CBFA2T2: variants seen among roughly 807,000 people sequenced by gnomAD.
The protein encoded by CBFA2T2 is protein CBFA2T2.
A neutral mutation model predicts 62.2 loss-of-function variants in CBFA2T2; 11 were observed. The ratio of observed to expected loss-of-function variants is 0.18; its 90% CI spans 0.11 to 0.29. CBFA2T2 has a LOEUF of 0.29. Among genes scored for constraint, CBFA2T2 ranks in the 10% least tolerant of loss-of-function variants. CBFA2T2 has a pLI of 1.00. For synonymous variants in CBFA2T2, 295 were observed against 287.5 expected (o/e 1.03, Z -0.27); for missense variants, 592 against 774.1 (o/e 0.76, Z 2.79).
At chr20:33,530,767 G>A (rs2012036317) in intron 1 of CBFA2T2, among the ~76,000 whole-genome samples, 1 of 151,792 alleles carries the variant, frequency 6.6e-6, no homozygotes, top group Non-Finnish European at 1.5e-5. Context: ...CATGAACAAA[G>A]TGCGGTGCGT....
chr20:33,623,973 A>G, intron 5 of CBFA2T2: 3 of 601,610 alleles, frequency 5.0e-6, no homozygotes, highest in East Asian at 2.9e-5. Context: ...AAAAAAGAAA[A>G]GAAAAGAAAA....
chr20:33,558,118 C>T (rs1212388022), intron 1 of CBFA2T2, among the ~76,000 whole-genome samples: 1 of 150,766 alleles, frequency 6.6e-6, no homozygotes, highest in Non-Finnish European at 1.5e-5. Context: ...TGAGCCACTG[C>T]GCCTGGGCGC....
chr20:33,629,766 G>T lies in CBFA2T2; in HGVS notation c.1080G>T (p.Met360Ile), dbSNP rs771803713. ...TGGTAGAGAAAACAAGGCGCTCTATGGCAGTTCTGCGGCGCTGTCAGGAAT... is the reference window on the plus strand; with the variant it reads ...TGGTAGAGAAAACAAGGCGCTCTATTGCAGTTCTGCGGCGCTGTCAGGAAT... ...MEMVEKTRRS[M>I]AVLRRCQESD... The change falls in exon 8 of 11, where the codon ATG becomes ATT. Residue 360 changes from methionine (M) to isoleucine (I), a missense_variant. Transcript: ENST00000342704. 1 of 1,614,142 alleles carries T rather than the reference G, an allele frequency of 6.2e-7. No individual in the cohort carries two copies. The highest frequency in any genetic ancestry group is 8.5e-7 in the Non-Finnish European group (1 of 1,180,030).
At position 33,541,574 on chromosome 20, in the gene CBFA2T2, C is replaced by G. The variant is rs574632188; in HGVS notation, c.34+51273C>G. ...GGCAGTGGCTTGATTGTGGTAGACA[C>G]TTATGACCTACACATTTTAGCCTAG... On this transcript the variant is annotated intron_variant, in intron 1 of 10. Transcript: ENST00000342704. 1.0e-3 allele frequency among the ~76,000 whole-genome samples: 158 copies of G among 152,258 alleles called. 1 individual carries two copies. The highest frequency in any genetic ancestry group is 3.7e-3 in the African/African-American group (155 of 41,548).
At chr20:33,526,335 A>C (rs1232535013) in intron 1 of CBFA2T2, among the ~76,000 whole-genome samples, 4 of 152,336 alleles carry the variant, frequency 2.6e-5, no homozygotes, top group African/African-American at 9.6e-5. Context: ...GTGTGTACTG[A>C]TGATCTACTG....
intron 1 of CBFA2T2, among the ~76,000 whole-genome samples, chr20:33,547,253 A>T (rs758805673): frequency 6.6e-6 from 1 of 152,132 alleles, no homozygotes; most frequent in Non-Finnish European, 1.5e-5. Flanking sequence ...GGGACCAAGC[A>T]TGGAAGATTA....
At chr20:33,592,782 C>G (rs1347810916) in intron 1 of CBFA2T2, among the ~76,000 whole-genome samples, 24 of 151,904 alleles carry the variant, frequency 1.6e-4, no homozygotes, top group African/African-American at 5.8e-4. Context: ...GTCACTGCCA[C>G]TTAAAAAAAC....
At chr20:33,615,501 A>G (rs1014191699) in intron 3 of CBFA2T2, among the ~76,000 whole-genome samples, 3 of 152,228 alleles carry the variant, frequency 2.0e-5, no homozygotes, top group African/African-American at 4.8e-5. Flanking sequence ...CCCTGAGGAA[A>G]GTACAATTTA....
At chr20:33,550,581 TAACTC>T (rs1471869804) in intron 1 of CBFA2T2, among the ~76,000 whole-genome samples, 4 of 152,048 alleles carry the variant, frequency 2.6e-5, no homozygotes, top group East Asian at 1.9e-4. Flanking sequence ...GGTCAACAAA[TAACTC>T]AAAGTCTGAA....
At chr20:33,565,214 C>G (rs914256328) in intron 1 of CBFA2T2, among the ~76,000 whole-genome samples, 2 of 152,134 alleles carry the variant, frequency 1.3e-5, no homozygotes, top group African/African-American at 2.4e-5. Context: ...CCACTGCGCC[C>G]GGCTCCAAGT....
intron 1 of CBFA2T2, among the ~76,000 whole-genome samples, chr20:33,517,452 G>GGTTT (rs1555830080): frequency 6.8e-6 from 1 of 148,042 alleles, no homozygotes; most frequent in Non-Finnish European, 1.5e-5. Flanking sequence ...TTTTTTTGGT[G>GGTTT]TTTTTTTTTT....
intron 3 of CBFA2T2, among the ~76,000 whole-genome samples, chr20:33,615,932 C>T (rs2015688312): frequency 6.6e-6 from 1 of 152,062 alleles, no homozygotes; most frequent in Admixed American, 6.6e-5. Context: ...CTTTCCTTAG[C>T]TGGCATAGTG....
chr20:33,502,057 T>C (rs565640041), intron 1 of CBFA2T2, among the ~76,000 whole-genome samples: 1 of 152,346 alleles, frequency 6.6e-6, no homozygotes, highest in African/African-American at 2.4e-5. Flanking sequence ...CCGAAAGTAC[T>C]GGGATCACAG....
chr20:33,550,370 A>G (rs910674544), intron 1 of CBFA2T2, among the ~76,000 whole-genome samples: 4 of 152,202 alleles, frequency 2.6e-5, no homozygotes, highest in Non-Finnish European at 4.4e-5. Flanking sequence ...ACCCTTTCAG[A>G]CTTTAACTCC....
At chr20:33,523,770 C>T (rs1176271644) in intron 1 of CBFA2T2, among the ~76,000 whole-genome samples, 4 of 152,024 alleles carry the variant, frequency 2.6e-5, no homozygotes, top group Non-Finnish European at 2.9e-5. Flanking sequence ...CCGCAACCTC[C>T]GCCTCCCTGG....
intron 1 of CBFA2T2, among the ~76,000 whole-genome samples, chr20:33,588,649 T>G (rs1273124254): frequency 1.3e-5 from 2 of 152,136 alleles, no homozygotes; most frequent in Non-Finnish European, 2.9e-5. Flanking sequence ...TAGTTCAACA[T>G]TAAGAAGCTG....
At chr20:33,636,766 C>A in intron 9 of CBFA2T2, 58 bp downstream of exon 9, 1 of 1,279,230 alleles carries the variant, frequency 7.8e-7, no homozygotes, top group Non-Finnish European at 1.1e-6. Context: ...GAGCAGAGAA[C>A]AGATAACTGG....
intron 1 of CBFA2T2, among the ~76,000 whole-genome samples, chr20:33,531,466 A>G (rs1263404780): frequency 6.6e-6 from 1 of 152,204 alleles, no homozygotes; most frequent in African/African-American, 2.4e-5. Flanking sequence ...TTATTGCCCC[A>G]CTAGAAAAAA....
chr20:33,622,775 ATTCTCTC>A (rs1339807345), intron 4 of CBFA2T2, among the ~76,000 whole-genome samples: 1 of 152,204 alleles, frequency 6.6e-6, no homozygotes, highest in Admixed American at 6.5e-5. Flanking sequence ...GGCAGTAGTA[ATTCTCTC>A]ACTGACTAAA....
Sources: allele counts gnomAD v4.1 joint callset (sites outside exome capture counted in the v4.1 genomes callset), GRCh38; gene constraint gnomAD v4.1.1; transcripts MANE v1.5; gene names NCBI Gene and HGNC (gene_info 2026-07-23, HGNC 2026-07-21).